Variants in SH2B2 observed in about 807,000 individuals in gnomAD.
SH2B2 encodes SH2B adaptor protein 2.
In SH2B2, 37 loss-of-function variants were observed where a neutral mutation model predicts 35.7. That is an observed-to-expected ratio of 1.04 (90% CI 0.80 to 1.36). The LOEUF (loss-of-function observed/expected upper bound fraction) is 1.36, where lower values mean the gene tolerates loss of function less well. Ranked by LOEUF, SH2B2 falls within the 40% of genes most tolerant of loss-of-function variation. SH2B2 has a pLI of 0.00. For synonymous variants in SH2B2, 383 were observed against 376.4 expected (o/e 1.02, Z -0.20); for missense variants, 852 against 817.7 (o/e 1.04, Z -0.51).
intron 1 of SH2B2, among the ~76,000 whole-genome samples, chr7:102,299,147 C>T (rs1390605083): frequency 6.9e-6 from 1 of 144,650 alleles, no homozygotes; most frequent in Non-Finnish European, 1.5e-5. Flanking sequence ...GATGCGCCCG[C>T]CTCGGCCTCC....
intron 6 of SH2B2, among the ~76,000 whole-genome samples, chr7:102,316,281 A>C (rs1554556980): frequency 6.6e-6 from 1 of 151,964 alleles, no homozygotes; most frequent in African/African-American, 2.4e-5. Flanking sequence ...TATCTCAAAA[A>C]ATAAATAAAT....
At chr7:102,301,431 C>T (rs545758427) in intron 2 of SH2B2, among the ~76,000 whole-genome samples, 152 bp downstream of exon 2, 1 of 152,258 alleles carries the variant, frequency 6.6e-6, no homozygotes, top group Non-Finnish European at 1.5e-5. Context: ...GGAGGTGGGC[C>T]TGTCATGCCT....
At chr7:102,296,978 C>CA (rs1212982728) in intron 1 of SH2B2, among the ~76,000 whole-genome samples, 46 of 148,152 alleles carry the variant, frequency 3.1e-4, no homozygotes, top group Non-Finnish European at 4.2e-4. Context: ...GACTCTGTCT[C>CA]AAAAAAAAAC....
chr7:102,296,002 A>G (rs1164375581), intron 1 of SH2B2, among the ~76,000 whole-genome samples: 3 of 151,640 alleles, frequency 2.0e-5, no homozygotes, highest in Non-Finnish European at 4.4e-5. Flanking sequence ...CGCAATAACC[A>G]CCTCTTGAAG....
intron 4 of SH2B2, among the ~76,000 whole-genome samples, chr7:102,311,680 C>A (rs1416061431): frequency 6.6e-6 from 1 of 151,234 alleles, no homozygotes; most frequent in African/African-American, 2.4e-5. Flanking sequence ...GGATTACAGG[C>A]ATGAGCCACA....
At chr7:102,288,966 C>T (rs546556083) in intron 1 of SH2B2, among the ~76,000 whole-genome samples, 27 of 152,332 alleles carry the variant, frequency 1.8e-4, no homozygotes, top group African/African-American at 6.3e-4. Flanking sequence ...CGGGGCTACG[C>T]TCATTCTTAC....
At chr7:102,319,455 G>A (rs772665981) in intron 7 of SH2B2, among the ~76,000 whole-genome samples, 1 of 152,106 alleles carries the variant, frequency 6.6e-6, no homozygotes, top group Admixed American at 6.5e-5. Context: ...GGCCAGGCTG[G>A]TCTTGAACTC....
chr7:102,312,986 G>A (rs1188072530), intron 4 of SH2B2, among the ~76,000 whole-genome samples: 4 of 151,788 alleles, frequency 2.6e-5, no homozygotes, highest in South Asian at 2.1e-4. Context: ...AAAATCAGCC[G>A]GGCGTGGTGG....
intron 1 of SH2B2, among the ~76,000 whole-genome samples, chr7:102,289,783 G>A (rs1586561551): frequency 6.6e-6 from 1 of 151,966 alleles, no homozygotes; most frequent in South Asian, 2.1e-4. Flanking sequence ...TATGACACTG[G>A]GGGAGTGGAA....
intron 4 of SH2B2, chr7:102,309,119 C>T: frequency 1.5e-6 from 1 of 666,006 alleles, no homozygotes; most frequent in Non-Finnish European, 2.8e-6. Flanking sequence ...CTCTATGGGG[C>T]CAGGGCCTGG....
upstream of SH2B2, chr7:102,285,352 G>A: frequency 2.2e-6 from 2 of 897,858 alleles, no homozygotes; most frequent in Admixed American, 4.1e-5. Context: ...CCACTCTCGG[G>A]CACCCCCTCC....
At chr7:102,291,204 C>T (rs184698093) in intron 1 of SH2B2, among the ~76,000 whole-genome samples, 6 of 152,326 alleles carry the variant, frequency 3.9e-5, no homozygotes, top group Admixed American at 6.5e-5. Context: ...GGTCTGCAGA[C>T]GCCGGTGCCA....
chr7:102,297,670 G>A lies in SH2B2; in HGVS notation c.-29-2852G>A, dbSNP rs1423405545. On this transcript the variant is annotated intron_variant, in intron 1 of 8. Transcript: ENST00000444095. This position sits in a 1 kb window ranked among gnomAD's most constrained non-coding sequence, Gnocchi z 4.3. ...GTGACAGCTGTGACATGCCTGGTGT[G>A]CCAAACTCATTCATTTGTTCATTCA... 6.6e-6 allele frequency among the ~76,000 whole-genome samples: 1 copy of A among 152,108 alleles called. No homozygotes were observed. Among genetic ancestry groups the A allele is most frequent in the African/African-American group, 2.4e-5 (1 of 41,406 alleles).
In SH2B2 at chr7:102,317,212, C is replaced by T. The variant is rs1216599658; in HGVS notation, c.1212C>T (p.Pro404=). ...NTGEQGAETD[P]EAEPELELSD... ...GGGAACAGGGTGCAGAGACGGATCC[C>T]GAGGCTGAACCCGAGCTGGAGCTAT... is the stretch of plus-strand genomic sequence containing the variant. Residue 404 remains proline, a synonymous_variant, in exon 7 of 9, where the codon CCC becomes CCT. Transcript: ENST00000444095. 101 of 1,607,626 alleles carry T rather than the reference C, an allele frequency of 6.3e-5. No individual in the cohort carries two copies. Among genetic ancestry groups the T allele is most frequent in the East Asian group, 1.1e-4 (5 of 44,570 alleles).
intron 1 of SH2B2, among the ~76,000 whole-genome samples, chr7:102,289,682 C>T (rs147949666): frequency 1.2e-4 from 18 of 152,046 alleles, no homozygotes; most frequent in Non-Finnish European, 2.2e-4. Flanking sequence ...CCTGGAAAAG[C>T]CAGAAGGCAG....
At chr7:102,320,536 C>T in intron 8 of SH2B2, 34 bp downstream of exon 8, 2 of 1,600,482 alleles carry the variant, frequency 1.2e-6, no homozygotes, top group Non-Finnish European at 1.7e-6. Context: ...TGTGATTACT[C>T]AAGAAGACTT....
intron 8 of SH2B2, 25 bp from the exon 9 acceptor site, chr7:102,321,274 A>T: frequency 7.4e-7 from 1 of 1,352,872 alleles, no homozygotes; most frequent in Non-Finnish European, 9.5e-7. Flanking sequence ...GTCCCCACTC[A>T]CGCCCTGCCG....
rs1171717723 is a variant in SH2B2 at position 102,298,111 on chromosome 7, G to A, written c.-29-2411G>A. 2.0e-5 allele frequency among the ~76,000 whole-genome samples: 3 copies of A among 152,162 alleles called. No individual in the cohort carries two copies. The East Asian group carries it at 5.8e-4, about 29-fold the overall frequency. On this transcript the variant is annotated intron_variant, in intron 1 of 8. Coordinates refer to ENST00000444095, the MANE Select transcript of SH2B2 (RefSeq NM_001359228.2). ...TCCAGCCAGGGAAGAGTGGCAGGAG[G>A]TATATCCAGAGGGGTAAACAGAGGC...
In SH2B2 at chr7:102,301,023, C is replaced by A. The variant is rs1239135317; in HGVS notation, c.473C>A (p.Pro158His). 3.5e-5 allele frequency: 48 copies of A among 1,389,218 alleles called. No individual in the cohort carries two copies. Among genetic ancestry groups the A allele is most frequent in the Non-Finnish European group, 4.3e-5 (46 of 1,074,136 alleles). 86.1% of individuals were successfully genotyped at this position (1,389,218 alleles called of 1,614,324 possible). A position where few individuals can be genotyped will look rare whatever the true frequency, so the allele number is the denominator to read the frequency against. Residue 158 changes from proline to histidine, a missense_variant, in exon 2 of 9, where the codon CCC (proline) becomes CAC (histidine). Physicochemically the swap from Pro to His is moderately conservative, Grantham distance 77 (BLOSUM62 -2). This residue lies in a region of SH2B2 where 294 missense variants were observed against 286.6 expected (regional missense o/e 1.03). Transcript: ENST00000444095. ...VRDMWHRRAS[P>H]EPDAAAAPRT... ...GACATGTGGCACCGGCGCGCCTCGC[C>A]CGAGCCCGACGCGGCAGCTGCCCCG...
Sources: allele counts gnomAD v4.1 joint callset (sites outside exome capture counted in the v4.1 genomes callset), GRCh38; gene constraint gnomAD v4.1.1; regional missense constraint gnomAD v4.1.1; non-coding constraint Gnocchi (gnomAD v3.1); transcripts MANE v1.5; gene names NCBI Gene and HGNC (gene_info 2026-07-23, HGNC 2026-07-21).